Variants in SULT1E1 observed in about 807,000 individuals in gnomAD.
The protein encoded by SULT1E1 is sulfotransferase family 1E member 1.
SULT1E1 carries 36 observed loss-of-function variants against 33.6 expected under a neutral mutation model. The observed-to-expected ratio is 1.07, with a 90% confidence interval of 0.82 to 1.41. The LOEUF is 1.41. SULT1E1 is among the 40% of genes most tolerant of loss of function. The probability of loss-of-function intolerance (pLI) is 0.00; values close to 1 mark genes in which losing one functional copy is unlikely to be tolerated. For synonymous variants in SULT1E1, 121 were observed against 111.7 expected, an observed-to-expected ratio of 1.08 and a Z score of -0.53; for missense variants, 371 against 345.7, an observed-to-expected ratio of 1.07 and a Z score of -0.58.
chr4:69,847,729 A>T lies in SULT1E1; in HGVS notation c.560T>A (p.Val187Glu), dbSNP rs750534499. ...CAGGTCTTCGTAGAAAAGAAATAGT[A>T]CACGTGGACTCTTTCCCTTTTCCCA... The part of the protein sequence containing the change: ...SWWEKGKSPR[V>E]LFLFYEDLKE... The change falls in exon 6 of 8, where the codon GTA (valine) becomes GAA (glutamate). Residue 187 changes from valine to glutamate, a missense_variant. By Grantham distance (121) the Val-to-Glu change is moderately radical. Coordinates refer to ENST00000226444, the MANE Select transcript of SULT1E1 (RefSeq NM_005420.3). 2 of 1,608,250 alleles carry T rather than the reference A, an allele frequency of 1.2e-6. No individual in the cohort carries two copies. The highest frequency in any genetic ancestry group is 3.4e-5 in the Admixed American group (2 of 59,512).
downstream of SULT1E1, among the ~76,000 whole-genome samples, chr4:69,839,955 G>T (rs1423516088): frequency 2.0e-5 from 3 of 152,112 alleles, no homozygotes; most frequent in African/African-American, 7.2e-5. Context: ...ATATACGTAG[G>T]TTTATTATTG....
intron 4 of SULT1E1, 35 bp from the exon 5 acceptor site, chr4:69,849,598 C>A: frequency 6.6e-7 from 1 of 1,525,338 alleles, no homozygotes; most frequent in Admixed American, 2.3e-5. Context: ...AACCACTTAA[C>A]ATTTTTTTCA....
rs575977340 is a variant in SULT1E1 at position 69,852,188 on chromosome 4, A to T, written c.369+2029T>A. Among the ~76,000 whole-genome samples the T allele has an allele frequency of 1.6e-4, 25 of 152,158 alleles. No homozygotes were observed. In the East Asian group the frequency reaches 4.6e-3, roughly 28 times the overall value. ...AACTAATCTATACCTCTCCTATCTG[A>T]TGCTATTTCTAAGCTTGTGGCCATT... On this transcript the variant is annotated intron_variant, in intron 4 of 7. Coordinates refer to ENST00000226444, the MANE Select transcript of SULT1E1 (RefSeq NM_005420.3).
At position 69,846,239 on chromosome 4, in the gene SULT1E1, T is replaced by C. The variant is rs541063296; in HGVS notation, c.591+1459A>G. Among the ~76,000 whole-genome samples, 13 of 148,710 alleles carry C rather than the reference T, an allele frequency of 8.7e-5. No individual in the cohort carries two copies. In the South Asian group the frequency reaches 2.7e-3, roughly 31 times the overall value. On this transcript the variant is annotated intron_variant, in intron 6 of 7. Transcript: ENST00000226444. ...ACTTATGAAATAGAACATTCACAGT[T>C]TTCTTAGTTTTTTTTTCTTTTGAGT... is the stretch of plus-strand genomic sequence containing the variant.
chr4:69,857,556 A>T lies in SULT1E1; in HGVS notation c.89T>A (p.Val30Glu). 1 of 1,613,482 alleles carries T rather than the reference A, an allele frequency of 6.2e-7. No homozygotes were observed. Among genetic ancestry groups the T allele is most frequent in the Non-Finnish European group, 8.5e-7 (1 of 1,179,786 alleles). The change falls in exon 2 of 8, where the codon GTG (valine) becomes GAG (glutamate). Residue 30 changes from valine to glutamate, a missense_variant. By Grantham distance (121) the Val-to-Glu change is moderately radical. Coordinates refer to ENST00000226444, the MANE Select transcript of SULT1E1 (RefSeq NM_005420.3). ...ATCTGGTCTTGCCTGGAACGCTTCC[A>T]CATTATCCCAATATTTGACAAAATC... ...YKDFVKYWDN[V>E]EAFQARPDDL...
rs1220702 is a variant in SULT1E1 at position 69,847,802 on chromosome 4, G to C, written c.497-10C>G. 0.12 allele frequency: 183,815 copies of C among 1,583,348 alleles called. 11,928 individuals are homozygous for C. The highest frequency in any genetic ancestry group is 0.18 in the Middle Eastern group (1,106 of 5,986). On this transcript the variant is annotated splice_polypyrimidine_tract_variant and intron_variant, in intron 5 of 7. Coordinates refer to ENST00000226444, the MANE Select transcript of SULT1E1 (RefSeq NM_005420.3). Reference sequence around the variant, plus strand: ...CAGGAACCATAAGGAACTAAAATTAGAGAGAAAAACAGTGTAAAAGTGGTA... The same window carrying C: ...CAGGAACCATAAGGAACTAAAATTACAGAGAAAAACAGTGTAAAAGTGGTA...
At chr4:69,856,596 T>G (rs1721240782) in intron 2 of SULT1E1, among the ~76,000 whole-genome samples, 1 of 152,152 alleles carries the variant, frequency 6.6e-6, no homozygotes, top group African/African-American at 2.4e-5. Flanking sequence ...GTGCTGCCAT[T>G]TATTCCAATA....
In SULT1E1 at chr4:69,842,014, T is replaced by G; in HGVS notation, c.865A>C (p.Lys289Gln). 6.2e-7 allele frequency: 1 copy of G among 1,606,228 alleles called. No homozygotes were observed. Among genetic ancestry groups the G allele is most frequent in the African/African-American group, 1.3e-5 (1 of 74,808 alleles). Residue 289 changes from lysine to glutamine, a missense_variant, in exon 8 of 8, where the codon AAG becomes CAG. Coordinates refer to ENST00000226444, the MANE Select transcript of SULT1E1 (RefSeq NM_005420.3). ...YEQQMKESTL[K>Q]FRTEI The stretch of plus-strand genomic sequence containing the variant: ...CCTTCTTAGATCTCAGTTCGAAACT[T>G]CAGTGTAGATTCCTTCATTTGCTGC...
chr4:69,847,879 T>A (rs1721014463), intron 5 of SULT1E1, 87 bp from the exon 6 acceptor site: 1 of 694,336 alleles, frequency 1.4e-6, no homozygotes, highest in African/African-American at 1.9e-5. Context: ...TAACAACAAA[T>A]AAATATAAAT....
At chr4:69,857,722 A>G in intron 1 of SULT1E1, 69 bp from the exon 2 acceptor site, 1 of 1,445,918 alleles carries the variant, frequency 6.9e-7, no homozygotes, top group Non-Finnish European at 9.2e-7. Flanking sequence ...AACTATGTAT[A>G]TAACGGGACC....
chr4:69,822,840 G>A, the SULT1E1 span, among the ~76,000 whole-genome samples: 1 of 152,064 alleles, frequency 6.6e-6, no homozygotes, highest in Admixed American at 6.6e-5. Context: ...CATGGGAGAT[G>A]TTTAGAAGAA....
chr4:69,827,764 C>T, the SULT1E1 span, among the ~76,000 whole-genome samples: 74 of 152,244 alleles, frequency 4.9e-4, no homozygotes, highest in African/African-American at 1.5e-3. Flanking sequence ...AGAGAAAGGC[C>T]GCAGCCTTAG....
chr4:69,825,287 A>G, the SULT1E1 span, among the ~76,000 whole-genome samples: 1 of 152,158 alleles, frequency 6.6e-6, no homozygotes, highest in African/African-American at 2.4e-5. Flanking sequence ...GAACATCTGA[A>G]GGAACAAACA....
intron 7 of SULT1E1, among the ~76,000 whole-genome samples, chr4:69,843,739 C>T (rs1226996421): frequency 6.6e-6 from 1 of 152,106 alleles, no homozygotes; most frequent in Non-Finnish European, 1.5e-5. Context: ...AAGGTGTTTG[C>T]CACTTGTTAA....
the SULT1E1 span, among the ~76,000 whole-genome samples, chr4:69,831,649 C>T: frequency 2.0e-5 from 3 of 152,150 alleles, no homozygotes; most frequent in African/African-American, 7.2e-5. Context: ...CAACAACTGT[C>T]CCCACATTTC....
downstream of SULT1E1, among the ~76,000 whole-genome samples, chr4:69,837,038 G>A (rs1388664674): frequency 6.6e-6 from 1 of 151,698 alleles, no homozygotes; most frequent in East Asian, 1.9e-4. Context: ...AGCTATGATT[G>A]TGCCACTGCA....
chr4:69,833,937 G>T, the SULT1E1 span, among the ~76,000 whole-genome samples: 16,644 of 152,044 alleles, frequency 0.11, 1,061 homozygotes, highest in Middle Eastern at 0.18. Flanking sequence ...AATTGTATTT[G>T]CCTTCCCTAT....
At chr4:69,844,508 AT>A (rs1339492034) in intron 6 of SULT1E1, among the ~76,000 whole-genome samples, 167 bp from the exon 7 acceptor site, 1 of 152,140 alleles carries the variant, frequency 6.6e-6, no homozygotes, top group East Asian at 1.9e-4. Context: ...TTTAAGTATA[AT>A]TTTCCTCATC....
chr4:69,844,150 A>G lies in SULT1E1; in HGVS notation c.772+11T>C. ...TTCCTCTAGTATCGAGGCAAACCAC[A>G]TTTTTCTCACCCTTTCTCATGAAGG... On this transcript the variant is annotated intron_variant, in intron 7 of 7. Transcript: ENST00000226444. 1 of 1,613,646 alleles carries G rather than the reference A, an allele frequency of 6.2e-7. No homozygotes were observed. Among genetic ancestry groups the G allele is most frequent in the South Asian group, 1.1e-5 (1 of 91,044 alleles).
Sources: gnomAD v4.1 joint callset for allele counts (sites outside exome capture counted in the v4.1 genomes callset) on GRCh38, gnomAD v4.1.1 for gene constraint, MANE v1.5 for transcripts, NCBI Gene and HGNC (gene_info 2026-07-23, HGNC 2026-07-21) for gene names.